BCL11A: variants seen among roughly 807,000 people sequenced by gnomAD.
The protein encoded by BCL11A is BCL11 transcription factor A.
A neutral mutation model predicts 55.9 loss-of-function variants in BCL11A; 2 were observed. The ratio of observed to expected loss-of-function variants is 0.04; its 90% CI spans 0.01 to 0.11. BCL11A has a LOEUF of 0.11. Ranked by LOEUF, BCL11A falls within the 10% of genes least tolerant of loss-of-function variation. The pLI is 1.00. For synonymous variants in BCL11A, 465 were observed against 473.4 expected (o/e 0.98, Z 0.23); for missense variants, 817 against 1,137.1 (o/e 0.72, Z 4.05).
At chr2:60,456,900 G>T (rs552377972), downstream of BCL11A, among the ~76,000 whole-genome samples, 55 of 152,260 alleles carry the variant, frequency 3.6e-4, 1 homozygote, top group South Asian at 8.9e-3. Flanking sequence ...TTTCACTTAT[G>T]TTTGAATGGA....
chr2:60,467,251 AATGGTGGTGGTGGTG>A (rs1676741612), intron 3 of BCL11A, among the ~76,000 whole-genome samples: 1 of 15,166 alleles, frequency 6.6e-5, no homozygotes, highest in African/African-American at 2.7e-4. Flanking sequence ...TGGTGGTGGT[AATGGTGGTGGTGGTG>A]ATGGTGGTGG....
At chr2:60,524,456 CTTGTTT>C (rs967480543) in intron 2 of BCL11A, 6 of 151,722 alleles carry the variant, frequency 4.0e-5, no homozygotes, top group Middle Eastern at 3.4e-3. Flanking sequence ...CTTTATGTTC[CTTGTTT>C]TTGTTTTTGT....
chr2:60,496,907 G>T (rs1448972416), intron 2 of BCL11A, among the ~76,000 whole-genome samples: 1 of 152,130 alleles, frequency 6.6e-6, no homozygotes, highest in South Asian at 2.1e-4. Flanking sequence ...TGTAAAGCAG[G>T]ACCCATTTCC....
chr2:60,543,028 C>CT (rs1449770175), intron 2 of BCL11A: 9 of 90,644 alleles, frequency 9.9e-5, no homozygotes, highest in Admixed American at 9.8e-4. Flanking sequence ...AAAACTCTGT[C>CT]TAAAAAAAAA....
chr2:60,458,628 T>C lies in BCL11A; in HGVS notation c.*1776A>G. Reference sequence around the variant, plus strand: ...TTTTTTTTTTTTAGTTTTTAAAAAATGCTCCTCAATGAGATTGTGTTCAAT... The same window carrying C: ...TTTTTTTTTTTTAGTTTTTAAAAAACGCTCCTCAATGAGATTGTGTTCAAT... On this transcript the variant is annotated 3_prime_UTR_variant, in exon 4 of 4. Coordinates refer to ENST00000642384, the MANE Select transcript of BCL11A (RefSeq NM_022893.4). The C allele has an allele frequency of 2.9e-6, 3 of 1,032,876 alleles. No homozygotes were observed. The highest frequency in any genetic ancestry group is 4.6e-5 in the South Asian group (1 of 21,696). 64.0% of individuals were successfully genotyped at this position (1,032,876 alleles called of 1,614,324 possible). A position where few individuals can be genotyped will look rare whatever the true frequency, so the allele number is the denominator to read the frequency against.
chr2:60,532,011 G>A (rs147691818), intron 2 of BCL11A, among the ~76,000 whole-genome samples: 6 of 152,020 alleles, frequency 3.9e-5, no homozygotes, highest in South Asian at 2.1e-4. Flanking sequence ...CCACACCGCC[G>A]GGCCCCTGCT....
chr2:60,518,698 T>C (rs775081241), intron 2 of BCL11A, among the ~76,000 whole-genome samples: 3 of 152,196 alleles, frequency 2.0e-5, no homozygotes, highest in Non-Finnish European at 4.4e-5. Context: ...CTACTCATCA[T>C]CAGAGTTCAC....
chr2:60,511,062 C>T (rs1573033334), intron 2 of BCL11A, among the ~76,000 whole-genome samples: 1 of 152,236 alleles, frequency 6.6e-6, no homozygotes, highest in Non-Finnish European at 1.5e-5. Flanking sequence ...CAGCCAACTG[C>T]GTTTCCAGGC....
At position 60,457,714 on chromosome 2, in the gene BCL11A, C is replaced by T. The variant is rs557344218; in HGVS notation, c.*2690G>A. On this transcript the variant is annotated 3_prime_UTR_variant, in exon 4 of 4. Transcript: ENST00000642384. ...TTTTTTTTCTTTCTTTCTTTTACTG[C>T]ATATGAAGGTAAGATGCTGGAATGT... 185 of 1,013,906 alleles carry T rather than the reference C, an allele frequency of 1.8e-4. No homozygotes were observed. In the African/African-American group the frequency reaches 2.4e-3, roughly 13 times the overall value. The allele number at this position is 1,013,906 out of a possible 1,614,324, so 62.8% of individuals were successfully genotyped here.
intron 2 of BCL11A, among the ~76,000 whole-genome samples, chr2:60,504,054 G>T (rs556541847): frequency 6.6e-6 from 1 of 152,086 alleles, no homozygotes; most frequent in South Asian, 2.1e-4. Flanking sequence ...GGCTTCGAGC[G>T]GCACATTCTG....
intron 2 of BCL11A, among the ~76,000 whole-genome samples, chr2:60,482,407 T>C (rs1476703612): frequency 4.6e-5 from 7 of 152,218 alleles, no homozygotes; most frequent in Middle Eastern, 6.8e-3. Flanking sequence ...TCCAAACAGT[T>C]GTAATTTCCA....
At chr2:60,504,844 CT>C in intron 2 of BCL11A, among the ~76,000 whole-genome samples, 1 of 152,270 alleles carries the variant, frequency 6.6e-6, no homozygotes, top group East Asian at 1.9e-4. Flanking sequence ...CATGCCTCCC[CT>C]ACCAGTGAGC....
intron 3 of BCL11A, among the ~76,000 whole-genome samples, chr2:60,466,708 A>G (rs1388341421): frequency 6.6e-6 from 1 of 152,210 alleles, no homozygotes; most frequent in Non-Finnish European, 1.5e-5. Flanking sequence ...ATCTAAAAAC[A>G]GTCCCCCTTA....
At chr2:60,484,535 T>C (rs1299827147) in intron 2 of BCL11A, 1 of 152,176 alleles carries the variant, frequency 6.6e-6, no homozygotes, top group Non-Finnish European at 1.5e-5. Flanking sequence ...ACAGCAGTGA[T>C]TGTGGAACAG....
chr2:60,550,338 G>C (rs1670350496), intron 1 of BCL11A, among the ~76,000 whole-genome samples: 1 of 152,178 alleles, frequency 6.6e-6, no homozygotes, highest in South Asian at 2.1e-4. Context: ...AAGTCAAAAT[G>C]AAGAACAAAG....
intron 2 of BCL11A, among the ~76,000 whole-genome samples, chr2:60,475,359 T>C (rs1051924587): frequency 6.6e-6 from 1 of 152,210 alleles, no homozygotes; most frequent in Non-Finnish European, 1.5e-5. Context: ...CCCACCTCAA[T>C]TGTTTCTTCC....
chr2:60,505,268 G>C (rs1367004986), intron 2 of BCL11A, among the ~76,000 whole-genome samples: 2 of 152,354 alleles, frequency 1.3e-5, no homozygotes, highest in East Asian at 3.9e-4. Flanking sequence ...AGAAGGGACG[G>C]ATACTCAGAA....
chr2:60,469,382 G>A (rs1027842545), intron 2 of BCL11A, among the ~76,000 whole-genome samples: 8 of 152,176 alleles, frequency 5.3e-5, no homozygotes, highest in Middle Eastern at 3.4e-3. Context: ...TTATGATAGC[G>A]CCTTCAGTGA....
intron 1 of BCL11A, among the ~76,000 whole-genome samples, chr2:60,551,635 G>A (rs2104790951): frequency 6.6e-6 from 1 of 152,340 alleles, no homozygotes; most frequent in South Asian, 2.1e-4. Flanking sequence ...AAAATGCTTT[G>A]CAAAGCCGAG....
Sources: gnomAD v4.1 joint callset for allele counts (sites outside exome capture counted in the v4.1 genomes callset) on GRCh38, gnomAD v4.1.1 for gene constraint, MANE v1.5 for transcripts, NCBI Gene and HGNC (gene_info 2026-07-23, HGNC 2026-07-21) for gene names.